CDH23: variants seen among roughly 807,000 people sequenced by gnomAD.
CDH23 encodes cadherin related 23.
CDH23 carries 189 observed loss-of-function variants against 317.1 expected under a neutral mutation model. The observed-to-expected ratio is 0.60, with a 90% CI of 0.53 to 0.67. CDH23 has a LOEUF of 0.67. CDH23 is among the 30% of genes least tolerant of loss of function. The pLI is 0.00. For synonymous variants in CDH23, 1,839 were observed against 1,876.8 expected (o/e 0.98, Z 0.52); for missense variants, 4,401 against 4,592.4 (o/e 0.96, Z 1.20).
intron 19 of CDH23, among the ~76,000 whole-genome samples, chr10:71,688,826 G>C (rs1865032512): frequency 2.4e-5 from 3 of 126,140 alleles, no homozygotes; most frequent in African/African-American, 8.7e-5. Flanking sequence ...TGGAGCCAGG[G>C]GTGGTGGAGT....
chr10:71,674,907 G>A (rs954975661), intron 14 of CDH23, among the ~76,000 whole-genome samples: 7 of 152,174 alleles, frequency 4.6e-5, no homozygotes, highest in African/African-American at 1.7e-4. Flanking sequence ...TGGTGGCGGT[G>A]GAGAGGCCAG....
rs1375853624 is a variant in CDH23 at position 71,730,504 on chromosome 10, C to T, written c.3615C>T (p.Ala1205=). The change falls in exon 31 of 70, where the codon GCC becomes GCT. Residue 1205 remains alanine, a synonymous_variant. Transcript: ENST00000224721. Reference sequence around the variant, plus strand: ...ACGTGGAGGACATCAACGATGAGGCCCCCGTGTTCACACAGCAGCAGTACA... The same window carrying T: ...ACGTGGAGGACATCAACGATGAGGCTCCCGTGTTCACACAGCAGCAGTACA... ...IVYVEDINDE[A]PVFTQQQYSR... 1.9e-6 allele frequency: 3 copies of T among 1,613,896 alleles called. No homozygotes were observed. Among genetic ancestry groups the T allele is most frequent in the South Asian group, 1.1e-5 (1 of 91,076 alleles).
intron 14 of CDH23, among the ~76,000 whole-genome samples, chr10:71,652,225 CCT>C (rs539870549): frequency 3.9e-5 from 6 of 152,308 alleles, no homozygotes; most frequent in Non-Finnish European, 7.4e-5. Context: ...AAAGCCTGCT[CCT>C]CTCTCATCTC....
chr10:71,476,725 T>C (rs529022735), intron 3 of CDH23, among the ~76,000 whole-genome samples: 17 of 152,328 alleles, frequency 1.1e-4, no homozygotes, highest in South Asian at 4.1e-4. Context: ...AGAAAACACA[T>C]GTATGATAAA....
intron 14 of CDH23, among the ~76,000 whole-genome samples, chr10:71,656,570 G>C (rs553011791): frequency 6.6e-6 from 1 of 152,310 alleles, no homozygotes; most frequent in East Asian, 1.9e-4. Context: ...GGGGATGAGT[G>C]ATGTGGGGAA....
At chr10:71,399,277 C>T (rs1212715490) in intron 1 of CDH23, among the ~76,000 whole-genome samples, 2 of 152,174 alleles carry the variant, frequency 1.3e-5, no homozygotes, top group Non-Finnish European at 2.9e-5. Flanking sequence ...ACTCTTGGGC[C>T]CCACCCCAGA....
intron 6 of CDH23, among the ~76,000 whole-genome samples, chr10:71,549,241 G>A (rs1341958117): frequency 6.6e-6 from 1 of 152,250 alleles, no homozygotes; most frequent in Non-Finnish European, 1.5e-5. Flanking sequence ...CCCATTAGTG[G>A]ACATTCAGGG....
At position 71,703,932 on chromosome 10, in the gene CDH23, C is replaced by G. The variant is rs144881229; in HGVS notation, c.2734-979C>G. 2.6e-5 allele frequency among the ~76,000 whole-genome samples: 4 copies of G among 152,208 alleles called. No individual in the cohort carries two copies. The East Asian group carries it at 7.7e-4, about 29-fold the overall frequency. On this transcript the variant is annotated intron_variant, in intron 24 of 69. Coordinates refer to ENST00000224721, the MANE Select transcript of CDH23 (RefSeq NM_022124.6). ...AGTTCATAGAGGAAGGAGCGGGGAG[C>G]GTTTAACTTGGAAACTGTCCTCACA...
intron 2 of CDH23, among the ~76,000 whole-genome samples, chr10:71,445,484 G>A (rs888529659): frequency 1.3e-5 from 2 of 152,188 alleles, no homozygotes; most frequent in Non-Finnish European, 2.9e-5. Context: ...GAGCCACACT[G>A]CCCAATAGAA....
intron 9 of CDH23, among the ~76,000 whole-genome samples, chr10:71,611,469 G>A (rs61385558): frequency 0.011 from 1,712 of 152,314 alleles, 35 homozygotes; most frequent in African/African-American, 0.039. Context: ...CTGGGGTGGT[G>A]GGGAGAGACC....
chr10:71,643,941 A>C, intron 12 of CDH23, 75 bp downstream of exon 12: 1 of 761,646 alleles, frequency 1.3e-6, no homozygotes, highest in Non-Finnish European at 2.4e-6. Flanking sequence ...GGGGCTTTGA[A>C]AAGGGCACAG....
chr10:71,476,950 A>G (rs1306850824), intron 3 of CDH23, among the ~76,000 whole-genome samples: 3 of 152,124 alleles, frequency 2.0e-5, no homozygotes, highest in Non-Finnish European at 4.4e-5. Context: ...TTGACCTTGA[A>G]TGAGATCCCA....
intron 14 of CDH23, among the ~76,000 whole-genome samples, chr10:71,656,475 T>C (rs957818865): frequency 2.0e-5 from 3 of 152,204 alleles, no homozygotes; most frequent in Non-Finnish European, 2.9e-5. Flanking sequence ...AGGCCTGGAA[T>C]GACAGTGGTG....
intron 22 of CDH23, among the ~76,000 whole-genome samples, chr10:71,698,701 G>C (rs992913517): frequency 6.6e-6 from 1 of 152,172 alleles, no homozygotes; most frequent in Admixed American, 6.5e-5. Flanking sequence ...AACGTCAGCT[G>C]TCTTAGAGAG....
intron 38 of CDH23, among the ~76,000 whole-genome samples, chr10:71,759,818 T>TACACACACACACACACACACAC (rs1487599802): frequency 9.8e-5 from 5 of 50,826 alleles, no homozygotes; most frequent in African/African-American, 2.3e-4. Context: ...TTTCAGAAAA[T>TACACACACACACACACACACAC]ATACACACAC....
chr10:71,588,652 G>A (rs186543564), intron 9 of CDH23, among the ~76,000 whole-genome samples: 1 of 152,262 alleles, frequency 6.6e-6, no homozygotes, highest in East Asian at 1.9e-4. Context: ...CTTCCTCCAT[G>A]TCTGTATAAC....
intron 6 of CDH23, among the ~76,000 whole-genome samples, chr10:71,528,425 C>T (rs1429340258): frequency 6.6e-6 from 1 of 152,202 alleles, no homozygotes; most frequent in African/African-American, 2.4e-5. Flanking sequence ...GGTCCCTTCC[C>T]ATAACTCACC....
chr10:71,791,008 C>A lies in CDH23; in HGVS notation c.6050-124C>A, dbSNP rs563094908. On this transcript the variant is annotated intron_variant, in intron 46 of 69. Transcript: ENST00000224721. ...AAGTCATTTTGTTACTGCCTCTGCT[C>A]CTCTTTCATCTCTGTCCCATGGTGC... The A allele has an allele frequency of 3.6e-4, 269 of 741,150 alleles. 1 individual carries two copies. The African/African-American group carries it at 4.3e-3, about 12-fold the overall frequency. 45.9% of individuals were successfully genotyped at this position (741,150 alleles called of 1,614,324 possible). A position where few individuals can be genotyped will look rare whatever the true frequency, so the allele number is the denominator to read the frequency against.
chr10:71,693,182 G>A (rs1865248269), intron 20 of CDH23, among the ~76,000 whole-genome samples: 1 of 152,194 alleles, frequency 6.6e-6, no homozygotes, highest in Non-Finnish European at 1.5e-5. Flanking sequence ...AGCTAGCGAG[G>A]CACTCAATTG....
Sources: gnomAD v4.1 joint callset for allele counts (sites outside exome capture counted in the v4.1 genomes callset) on GRCh38, gnomAD v4.1.1 for gene constraint, MANE v1.5 for transcripts, NCBI Gene and HGNC (gene_info 2026-07-23, HGNC 2026-07-21) for gene names.